QTMAN: variants seen among roughly 807,000 people sequenced by gnomAD.
QTMAN encodes the protein queuosine-tRNA mannosyltransferase.
chr2:144,015,878 C>A, the QTMAN span, among the ~76,000 whole-genome samples: 1 of 152,136 alleles, frequency 6.6e-6, no homozygotes, highest in Admixed American at 6.5e-5. Flanking sequence ...CTCTGAACCT[C>A]AGTTTTCTAA....
At chr2:144,293,468 G>T in the QTMAN span, among the ~76,000 whole-genome samples, 3 of 152,116 alleles carry the variant, frequency 2.0e-5, no homozygotes, top group African/African-American at 7.2e-5. Flanking sequence ...CAAAATTCAG[G>T]TAGGGCAAAT....
the QTMAN span, among the ~76,000 whole-genome samples, chr2:144,067,860 T>C: frequency 6.6e-6 from 1 of 152,146 alleles, no homozygotes; most frequent in Admixed American, 6.5e-5. Context: ...AAGTGCTTTT[T>C]CCCCAACAAT....
the QTMAN span, among the ~76,000 whole-genome samples, chr2:144,196,207 A>G: frequency 7.4e-6 from 1 of 136,010 alleles, no homozygotes; most frequent in Non-Finnish European, 1.6e-5. Context: ...GTGCATGCAC[A>G]CATAGCCACA....
the QTMAN span, among the ~76,000 whole-genome samples, chr2:144,184,586 T>C: frequency 6.6e-6 from 1 of 152,188 alleles, no homozygotes; most frequent in East Asian, 1.9e-4. Context: ...CTATAGGAAG[T>C]ATTTCTTTTC....
the QTMAN span, among the ~76,000 whole-genome samples, chr2:144,221,350 A>G: frequency 5.3e-5 from 8 of 152,234 alleles, no homozygotes; most frequent in African/African-American, 1.9e-4. Flanking sequence ...AATATCCTAC[A>G]AAAAGGGATC....
the QTMAN span, among the ~76,000 whole-genome samples, chr2:143,973,767 C>A: frequency 6.9e-6 from 1 of 145,922 alleles, no homozygotes; most frequent in South Asian, 2.2e-4. Context: ...CCAGCCTGGG[C>A]GACAGAGCGA....
chr2:144,185,705 T>C, the QTMAN span, among the ~76,000 whole-genome samples: 10 of 152,176 alleles, frequency 6.6e-5, no homozygotes, highest in Admixed American at 1.3e-4. Flanking sequence ...GTGACAACTG[T>C]CTTCCTTTCC....
At chr2:144,077,058 A>T in the QTMAN span, among the ~76,000 whole-genome samples, 1 of 152,100 alleles carries the variant, frequency 6.6e-6, no homozygotes. Context: ...GCCAAAAAAA[A>T]AAAAAAGAGA....
the QTMAN span, chr2:143,970,654 T>A: frequency 6.6e-7 from 1 of 1,516,548 alleles, no homozygotes; most frequent in Non-Finnish European, 9.2e-7. Flanking sequence ...CAGAGGTACC[T>A]GGGACATCTG....
the QTMAN span, among the ~76,000 whole-genome samples, chr2:144,181,612 G>A: frequency 1.6e-4 from 25 of 152,110 alleles, no homozygotes; most frequent in African/African-American, 3.6e-4. Flanking sequence ...CCAGGAGTTC[G>A]AGAACCTGGG....
chr2:144,003,729 A>T, the QTMAN span, among the ~76,000 whole-genome samples: 2 of 152,192 alleles, frequency 1.3e-5, no homozygotes, highest in Non-Finnish European at 2.9e-5. Context: ...TTTAACACAG[A>T]TTTAAAGCCA....
chr2:143,958,506 T>TA, the QTMAN span, among the ~76,000 whole-genome samples: 1 of 152,146 alleles, frequency 6.6e-6, no homozygotes, highest in African/African-American at 2.4e-5. Flanking sequence ...CGACAAGGTC[T>TA]TGGGTAAGAT....
chr2:144,217,145 G>A, the QTMAN span, among the ~76,000 whole-genome samples: 64 of 152,174 alleles, frequency 4.2e-4, no homozygotes, highest in Middle Eastern at 3.4e-3. Flanking sequence ...ATTCGGATAC[G>A]AATGCCCAAG....
chr2:143,970,513 C>T, the QTMAN span: 1 of 660,484 alleles, frequency 1.5e-6, no homozygotes, highest in Non-Finnish European at 2.7e-6. Context: ...TTGAATCAGA[C>T]TTTAATGCCA....
chr2:144,040,629 G>A, the QTMAN span, among the ~76,000 whole-genome samples: 1 of 152,046 alleles, frequency 6.6e-6, no homozygotes, highest in African/African-American at 2.4e-5. Context: ...TAACTGGAAC[G>A]AAAGAAAAGA....
chr2:144,181,223 G>A, the QTMAN span, among the ~76,000 whole-genome samples: 1 of 152,318 alleles, frequency 6.6e-6, no homozygotes, highest in East Asian at 1.9e-4. Flanking sequence ...TGTGAAGTCA[G>A]AAAAATATGT....
the QTMAN span, among the ~76,000 whole-genome samples, chr2:144,288,158 C>G: frequency 1.3e-5 from 2 of 152,086 alleles, no homozygotes; most frequent in Non-Finnish European, 2.9e-5. Flanking sequence ...CGTGAGCCAC[C>G]GAGTCCAGCA....
chr2:144,155,783 G>A, the QTMAN span, among the ~76,000 whole-genome samples: 29 of 152,108 alleles, frequency 1.9e-4, no homozygotes, highest in Admixed American at 3.9e-4. Flanking sequence ...GTACAGAGTG[G>A]CTTTTGGACA....
chr2:144,259,470 T>C, the QTMAN span, among the ~76,000 whole-genome samples: 3 of 152,148 alleles, frequency 2.0e-5, no homozygotes, highest in African/African-American at 7.2e-5. Context: ...GATCTCTGCT[T>C]TTATGAAGCC....
Sources: allele counts gnomAD v4.1 joint callset (sites outside exome capture counted in the v4.1 genomes callset), GRCh38; gene constraint gnomAD v4.1.1; transcripts MANE v1.5; gene names NCBI Gene and HGNC (gene_info 2026-07-23, HGNC 2026-07-21).